Variants in IAH1 observed in about 807,000 individuals in gnomAD.
IAH1 encodes isoamyl acetate hydrolyzing esterase 1 (putative).
IAH1 carries 24 observed loss-of-function variants against 26.7 expected under a neutral mutation model. That is an observed-to-expected ratio of 0.90 (90% CI 0.65 to 1.26). The LOEUF (loss-of-function observed/expected upper bound fraction) is 1.26. IAH1 is among the 50% of genes most tolerant of loss of function. The probability of loss-of-function intolerance (pLI) is 0.00; values close to 1 mark genes in which losing one functional copy is unlikely to be tolerated. For synonymous variants in IAH1, 140 were observed against 118.5 expected (o/e 1.18, Z -1.18); for missense variants, 300 against 299.9 (o/e 1.00, Z 0.00).
chr2:9,496,152 G>A (rs1662580881), intron 6 of IAH1, among the ~76,000 whole-genome samples: 2 of 151,856 alleles, frequency 1.3e-5, no homozygotes, highest in Admixed American at 1.3e-4. Flanking sequence ...TATTTGAAAT[G>A]GAGTCTCGCT....
At chr2:9,505,197 C>T in the IAH1 span, 5 of 1,614,084 alleles carry the variant, frequency 3.1e-6, no homozygotes, top group Non-Finnish European at 4.2e-6. Flanking sequence ...AACGTGCAGT[C>T]GCTGTTGCAG....
chr2:9,497,306 A>G (rs1355201630), downstream of IAH1: 1 of 1,600,412 alleles, frequency 6.2e-7, no homozygotes, highest in Non-Finnish European at 8.5e-7. Flanking sequence ...CCAGTTCTAC[A>G]GGTGCATAAT....
chr2:9,486,533 A>G (rs1661489151), intron 5 of IAH1: 1 of 152,214 alleles, frequency 6.6e-6, no homozygotes. Context: ...CTGGTCTATT[A>G]AAAGTCACAT....
intron 3 of IAH1, among the ~76,000 whole-genome samples, chr2:9,478,980 ATTTCT>A (rs1398547991): frequency 1.3e-5 from 2 of 152,150 alleles, no homozygotes; most frequent in East Asian, 3.8e-4. Context: ...CCTTCCAGAG[ATTTCT>A]TTTGTTACCC....
rs968662082 is a variant in IAH1 at position 9,474,557 on chromosome 2, C to G, written c.-10C>G. ...GCTGGCGGCCCCGCCCCGCCCCGCCCGGCTGCTCCATGGCGCTGTGCGAGG... is the reference window on the plus strand; with the variant it reads ...GCTGGCGGCCCCGCCCCGCCCCGCCGGGCTGCTCCATGGCGCTGTGCGAGG... On this transcript the variant is annotated 5_prime_UTR_variant, in exon 1 of 6. Transcript: ENST00000497473. This position sits in a 1 kb window ranked among gnomAD's most constrained non-coding sequence, Gnocchi z 4.3. The G allele has an allele frequency of 1.6e-5, 24 of 1,481,466 alleles. No homozygotes were observed. The highest frequency in any genetic ancestry group is 2.9e-5 in the East Asian group (1 of 35,024). The allele number at this position is 1,481,466 out of a possible 1,614,324, so 91.8% of individuals were successfully genotyped here.
chr2:9,490,269 G>C (rs1662013853), downstream of IAH1: 13 of 1,614,062 alleles, frequency 8.1e-6, no homozygotes, highest in Admixed American at 1.7e-5. Context: ...TGGTCCGTGA[G>C]ATCCTCAAAT....
intron 4 of IAH1, among the ~76,000 whole-genome samples, chr2:9,482,208 T>C (rs985229111): frequency 2.0e-5 from 3 of 152,086 alleles, no homozygotes; most frequent in African/African-American, 7.2e-5. Context: ...TTTGCATTTT[T>C]AGTAGAGACG....
At chr2:9,483,865 T>C (rs905329566) in intron 4 of IAH1, among the ~76,000 whole-genome samples, 1 of 152,254 alleles carries the variant, frequency 6.6e-6, no homozygotes, top group Non-Finnish European at 1.5e-5. Context: ...ACTGTCATCA[T>C]AAGAATGCAG....
intron 4 of IAH1, among the ~76,000 whole-genome samples, chr2:9,481,771 C>G (rs59274893): frequency 0.58 from 87,394 of 150,706 alleles, 26,493 homozygotes; most frequent in African/African-American, 0.7. Flanking sequence ...GCTCGGCCTG[C>G]GGGGGCTGAT....
downstream of IAH1, chr2:9,497,043 TGGA>T: frequency 6.4e-7 from 1 of 1,571,930 alleles, no homozygotes; most frequent in Non-Finnish European, 8.6e-7. Context: ...AACCTCCAAA[TGGA>T]GGAAGGGAGC....
chr2:9,492,394 G>A (rs1270588236), downstream of IAH1, among the ~76,000 whole-genome samples: 3 of 152,204 alleles, frequency 2.0e-5, no homozygotes, highest in Non-Finnish European at 4.4e-5. Flanking sequence ...AGAAAAGACT[G>A]CTTACTCTTA....
intron 3 of IAH1, among the ~76,000 whole-genome samples, chr2:9,480,473 G>A (rs552646600): frequency 1.3e-5 from 2 of 152,296 alleles, no homozygotes; most frequent in Admixed American, 6.5e-5. Flanking sequence ...CTCCAGCCTA[G>A]GTGATGGAGC....
At chr2:9,493,943 A>C, downstream of IAH1, 1 of 764,274 alleles carries the variant, frequency 1.3e-6, no homozygotes, top group Non-Finnish European at 2.1e-6. Flanking sequence ...ACGTTTTCCC[A>C]TCTTTGACAC....
chr2:9,497,937 C>G (rs1249737832), downstream of IAH1, among the ~76,000 whole-genome samples: 2 of 152,134 alleles, frequency 1.3e-5, no homozygotes, highest in Non-Finnish European at 2.9e-5. Flanking sequence ...GACTGGAAAG[C>G]CCCATGACAG....
chr2:9,481,792 C>G (rs1661190714), intron 4 of IAH1, among the ~76,000 whole-genome samples: 1 of 151,882 alleles, frequency 6.6e-6, no homozygotes. Flanking sequence ...GCTGATGTGC[C>G]TTGACTTGGA....
upstream of IAH1, chr2:9,474,502 C>A: frequency 9.9e-7 from 1 of 1,008,568 alleles, no homozygotes; most frequent in Non-Finnish European, 1.3e-6. This position sits in a 1 kb window ranked among gnomAD's most constrained non-coding sequence, Gnocchi z 4.3. Context: ...CCGCAACCCA[C>A]GGGCGGCCAC....
At chr2:9,490,337 A>G, downstream of IAH1, 3 of 1,614,002 alleles carry the variant, frequency 1.9e-6, no homozygotes, top group South Asian at 2.2e-5. Context: ...ATCCTCGTCC[A>G]TATGTGAGTC....
At chr2:9,496,292 C>T (rs994916718) in intron 6 of IAH1, 1 of 151,974 alleles carries the variant, frequency 6.6e-6, no homozygotes, top group African/African-American at 2.4e-5. Flanking sequence ...CCACACCCGG[C>T]TAATTTTTTT....
chr2:9,512,144 T>C, the IAH1 span, among the ~76,000 whole-genome samples: 1 of 151,922 alleles, frequency 6.6e-6, no homozygotes, highest in Non-Finnish European at 1.5e-5. Flanking sequence ...AAAACCGTAG[T>C]GGGAAAAAAA....
Sources: gnomAD v4.1 joint callset for allele counts (sites outside exome capture counted in the v4.1 genomes callset) on GRCh38, gnomAD v4.1.1 for gene constraint, Gnocchi (gnomAD v3.1) non-coding constraint, MANE v1.5 for transcripts, NCBI Gene and HGNC (gene_info 2026-07-23, HGNC 2026-07-21) for gene names.